FAM20B: variants seen among roughly 807,000 people sequenced by gnomAD.
The protein encoded by FAM20B is glycosaminoglycan xylosylkinase.
A neutral mutation model predicts 43.8 loss-of-function variants in FAM20B; 23 were observed. The ratio of observed to expected loss-of-function variants is 0.53; its 90% CI spans 0.38 to 0.74. FAM20B has a LOEUF of 0.74. FAM20B is among the 30% of genes least tolerant of loss of function. FAM20B has a pLI of 0.00. For missense variants in FAM20B, 440 were observed against 510.5 expected (o/e 0.86, Z 1.33); for synonymous variants, 178 against 192.4 (o/e 0.93, Z 0.62).
intron 1 of FAM20B, among the ~76,000 whole-genome samples, chr1:179,040,339 G>A (rs991453956): frequency 1.3e-5 from 2 of 151,774 alleles, no homozygotes; most frequent in African/African-American, 2.4e-5. Context: ...CCTCCTGGAC[G>A]GGGTGGCCGG....
intron 1 of FAM20B, among the ~76,000 whole-genome samples, chr1:179,040,503 T>C (rs1215533732): frequency 2.0e-5 from 2 of 100,354 alleles, no homozygotes; most frequent in Admixed American, 1.1e-4. Context: ...CCCCCCCACC[T>C]CCCTCCCGGA....
At chr1:179,059,648 A>G (rs1428428571) in intron 4 of FAM20B, among the ~76,000 whole-genome samples, 1 of 152,050 alleles carries the variant, frequency 6.6e-6, no homozygotes, top group East Asian at 1.9e-4. Context: ...TTTTATTTGA[A>G]TCAGTAATGG....
intron 4 of FAM20B, 47 bp downstream of exon 4, chr1:179,054,685 T>C (rs747662014): frequency 8.3e-7 from 1 of 1,201,280 alleles, no homozygotes; most frequent in Non-Finnish European, 1.2e-6. Flanking sequence ...GATTAATAAG[T>C]TAAAATGGGG....
At chr1:179,048,028 A>C (rs147129294) in intron 2 of FAM20B, among the ~76,000 whole-genome samples, 1 of 152,154 alleles carries the variant, frequency 6.6e-6, no homozygotes, top group Non-Finnish European at 1.5e-5. Context: ...GGTAGATGAT[A>C]TATATGGGAA....
upstream of FAM20B, chr1:179,025,865 A>G (rs1278629678): frequency 1.7e-5 from 2 of 120,460 alleles, no homozygotes; most frequent in African/African-American, 3.1e-5. Flanking sequence ...GACGGTACCA[A>G]CAGCCGGGGG....
In FAM20B at chr1:179,030,202, T is replaced by G. The variant is rs141079422; in HGVS notation, c.-134+4104T>G. 6.6e-5 allele frequency among the ~76,000 whole-genome samples: 10 copies of G among 152,318 alleles called. No homozygotes were observed. The East Asian group carries it at 1.9e-3, about 29-fold the overall frequency. ...GTATGAACTTTGTAACCACTTATTT[T>G]TGTTGCCCAGGGACGTTTTTGTTTG... is the stretch of plus-strand genomic sequence containing the variant. On this transcript the variant is annotated intron_variant, in intron 1 of 7. Coordinates refer to ENST00000263733, the MANE Select transcript of FAM20B (RefSeq NM_014864.4).
At chr1:179,033,435 A>G (rs1025351425) in intron 1 of FAM20B, among the ~76,000 whole-genome samples, 32 of 152,252 alleles carry the variant, frequency 2.1e-4, no homozygotes, top group African/African-American at 7.2e-4. Flanking sequence ...AGCCATTAAT[A>G]ATAATTTACA....
intron 6 of FAM20B, 48 bp downstream of exon 6, chr1:179,064,544 A>T: frequency 6.9e-7 from 1 of 1,447,414 alleles, no homozygotes; most frequent in Non-Finnish European, 9.5e-7. Context: ...TCTGTATATG[A>T]AAGAAGGGCA....
chr1:179,049,266 T>C (rs1162421960), intron 2 of FAM20B, among the ~76,000 whole-genome samples: 2 of 152,124 alleles, frequency 1.3e-5, no homozygotes, highest in Non-Finnish European at 2.9e-5. Context: ...GCCCCTAATA[T>C]TGTAAGTAAG....
chr1:179,041,231 G>T (rs188098490), intron 1 of FAM20B, among the ~76,000 whole-genome samples: 3 of 151,726 alleles, frequency 2.0e-5, no homozygotes, highest in African/African-American at 7.3e-5. Flanking sequence ...AGGCAGAGAC[G>T]CTCCTCACTT....
rs1652037417 is a variant in FAM20B at position 179,073,932 on chromosome 1, T to G, written c.*1788T>G. 1 of 152,232 alleles carries G rather than the reference T, an allele frequency of 6.6e-6. No individual in the cohort carries two copies. The highest frequency in any genetic ancestry group is 2.1e-4 in the South Asian group (1 of 4,834). 9.4% of individuals were successfully genotyped at this position (152,232 alleles called of 1,614,324 possible). ...CAGAGCTGTGTGCTTTGCTCCTGCATCTTGTTGAGGTGCTGTTCCAGCTTT... is the reference window on the plus strand; with the variant it reads ...CAGAGCTGTGTGCTTTGCTCCTGCAGCTTGTTGAGGTGCTGTTCCAGCTTT... On this transcript the variant is annotated 3_prime_UTR_variant, in exon 8 of 8. Transcript: ENST00000263733.
chr1:179,054,622 C>T lies in FAM20B; in HGVS notation c.558C>T (p.Ser186=), dbSNP rs1304744305. 1.2e-6 allele frequency: 2 copies of T among 1,606,356 alleles called. No individual in the cohort carries two copies. Among genetic ancestry groups the T allele is most frequent in the Admixed American group, 1.7e-5 (1 of 59,934 alleles). ...CTGTCGCCACAGAGCAGCTGTTGAG[C>T]ACCTTCCTAACTGTAGGTAAGAAGA... ...IKPVATEQLL[S]TFLTVGNNTC... is the part of the protein sequence containing the mutation. Residue 186 remains serine, a synonymous_variant, in exon 4 of 8, where the codon AGC becomes AGT. Coordinates refer to ENST00000263733, the MANE Select transcript of FAM20B (RefSeq NM_014864.4).
intron 6 of FAM20B, among the ~76,000 whole-genome samples, chr1:179,066,039 T>G (rs916612118): frequency 3.3e-5 from 5 of 152,156 alleles, no homozygotes; most frequent in African/African-American, 1.2e-4. Context: ...AGGCCCTACT[T>G]CTTAATACTG....
chr1:179,024,054 T>TG (rs950570587), upstream of FAM20B, among the ~76,000 whole-genome samples: 3 of 152,048 alleles, frequency 2.0e-5, no homozygotes, highest in African/African-American at 4.8e-5. Flanking sequence ...AAGGGAAAAC[T>TG]GGGGGGCAGA....
rs117216397 is a variant in FAM20B at position 179,076,351 on chromosome 1, A to G, written c.*4207A>G. On this transcript the variant is annotated 3_prime_UTR_variant, in exon 8 of 8. Transcript: ENST00000263733. ...AAAATGTTGGGTGAAACTGGGAACA[A>G]CTACTCAGAAGCTCATTTATTTGCT... 47 of 152,380 alleles carry G rather than the reference A, an allele frequency of 3.1e-4. 1 individual carries two copies. The East Asian group carries it at 9.1e-3, about 29-fold the overall frequency. 9.4% of individuals were successfully genotyped at this position (152,380 alleles called of 1,614,324 possible).
At chr1:179,061,460 A>G (rs555190372) in intron 4 of FAM20B, among the ~76,000 whole-genome samples, 67 of 152,224 alleles carry the variant, frequency 4.4e-4, no homozygotes, top group African/African-American at 1.5e-3. Context: ...GCTGGAGTGC[A>G]GTGGCACGAT....
chr1:179,038,606 C>T (rs1337601158), intron 1 of FAM20B, among the ~76,000 whole-genome samples: 3 of 152,184 alleles, frequency 2.0e-5, no homozygotes, highest in Non-Finnish European at 4.4e-5. Context: ...TTTATCTCTG[C>T]AGCCTGAGAA....
intron 1 of FAM20B, among the ~76,000 whole-genome samples, chr1:179,032,206 C>T (rs1650041514): frequency 6.6e-6 from 1 of 151,956 alleles, no homozygotes; most frequent in Admixed American, 6.6e-5. Flanking sequence ...CATTTTTCTC[C>T]TCTCTGGAGG....
chr1:179,049,943 G>C (rs1557873129), intron 2 of FAM20B, among the ~76,000 whole-genome samples: 1 of 152,194 alleles, frequency 6.6e-6, no homozygotes, highest in Non-Finnish European at 1.5e-5. Context: ...TTAACACTGT[G>C]CTGGCAATAC....
Sources: gnomAD v4.1 joint callset for allele counts (sites outside exome capture counted in the v4.1 genomes callset) on GRCh38, gnomAD v4.1.1 for gene constraint, MANE v1.5 for transcripts, NCBI Gene and HGNC (gene_info 2026-07-23, HGNC 2026-07-21) for gene names.